OTOF: variants seen among roughly 807,000 people sequenced by gnomAD.
The protein encoded by OTOF is fer-1-like family member 2.
In OTOF, 218 loss-of-function variants were observed where a neutral mutation model predicts 236.8. The observed-to-expected ratio is 0.92, with a 90% CI of 0.82 to 1.03. The LOEUF is 1.03. Among genes scored for constraint, OTOF ranks in the 50% least tolerant of loss-of-function variants. The pLI is 0.00. For missense variants in OTOF, 2,590 were observed against 2,694.4 expected (o/e 0.96, Z 0.86); for synonymous variants, 1,041 against 1,072.5 (o/e 0.97, Z 0.57).
chr2:26,524,473 C>T (rs1171336672), intron 3 of OTOF, among the ~76,000 whole-genome samples: 1 of 152,232 alleles, frequency 6.6e-6, no homozygotes, highest in African/African-American at 2.4e-5. Flanking sequence ...TAGGCCACTG[C>T]ACTCCAGCCT....
intron 3 of OTOF, among the ~76,000 whole-genome samples, chr2:26,527,471 C>T (rs1411821575): frequency 6.6e-6 from 1 of 152,202 alleles, no homozygotes; most frequent in African/African-American, 2.4e-5. Flanking sequence ...GATCATCAGC[C>T]CCTCCACCTT....
chr2:26,502,202 A>C (rs1253827885), intron 7 of OTOF, 98 bp downstream of exon 7: 1 of 1,322,372 alleles, frequency 7.6e-7, no homozygotes, highest in East Asian at 2.3e-5. Flanking sequence ...GCCGTCCATG[A>C]GCCCTGATTC....
chr2:26,551,484 G>T (rs183664749), intron 1 of OTOF, among the ~76,000 whole-genome samples: 132 of 152,208 alleles, frequency 8.7e-4, no homozygotes, highest in African/African-American at 3.0e-3. Context: ...TCTGGCTCAC[G>T]CACTGGGGTG....
At chr2:26,495,224 C>A in intron 8 of OTOF, 151 bp from the exon 9 acceptor site, 1 of 699,972 alleles carries the variant, frequency 1.4e-6, no homozygotes, top group Non-Finnish European at 2.4e-6. Flanking sequence ...CACTGCCTCT[C>A]ATCTGCTGGG....
intron 5 of OTOF, chr2:26,510,833 A>G: frequency 2.4e-6 from 2 of 831,232 alleles, no homozygotes; most frequent in Non-Finnish European, 3.4e-6. Flanking sequence ...CCCCGGCCCC[A>G]CGGGCCTGCA....
chr2:26,472,391 C>T, intron 30 of OTOF, 128 bp downstream of exon 30: 1 of 1,209,162 alleles, frequency 8.3e-7, no homozygotes, highest in Non-Finnish European at 1.2e-6. Flanking sequence ...AGCTCAGCCC[C>T]CGACAGTCAC....
chr2:26,542,877 T>C (rs1405964111), intron 1 of OTOF, among the ~76,000 whole-genome samples: 5 of 152,176 alleles, frequency 3.3e-5, no homozygotes, highest in African/African-American at 1.2e-4. Context: ...GTCGTGATTT[T>C]GCCAGGGCCC....
At chr2:26,514,170 A>G (rs62127715) in intron 5 of OTOF, among the ~76,000 whole-genome samples, 31,073 of 152,298 alleles carry the variant, frequency 0.2, 3,953 homozygotes, top group East Asian at 0.54. Flanking sequence ...CCTGTCCCCA[A>G]TGTGCTCTCA....
chr2:26,533,328 A>G (rs540498871), intron 2 of OTOF, among the ~76,000 whole-genome samples: 6 of 152,238 alleles, frequency 3.9e-5, no homozygotes, highest in African/African-American at 1.4e-4. Flanking sequence ...TTTAGAGTAC[A>G]ATGGAAAGAG....
chr2:26,530,020 C>T (rs1485442851), intron 2 of OTOF, among the ~76,000 whole-genome samples: 1 of 134,234 alleles, frequency 7.4e-6, no homozygotes, highest in Non-Finnish European at 1.7e-5. Flanking sequence ...GGAAATAAAG[C>T]AGCCCAGGAA....
Position 26,465,020 on chromosome 2 carries a change from G to A in OTOF, c.4809C>T (p.Tyr1603=), listed in dbSNP as rs143939430. Residue 1603 remains tyrosine, a synonymous_variant, in exon 39 of 47, where the codon TAC becomes TAT. Transcript: ENST00000272371. ...GIAQTYSTHG[Y]NIWRDPMKPS... ...GCTTCATGGGGTCCCGCCAGATATT[G>A]TAGCCATGTCTGTGGGAGGGGACAC... 8 of 1,479,906 alleles carry A rather than the reference G, an allele frequency of 5.4e-6. No individual in the cohort carries two copies. The highest frequency in any genetic ancestry group is 2.9e-5 in the African/African-American group (2 of 69,780). 91.7% of individuals were successfully genotyped at this position (1,479,906 alleles called of 1,614,324 possible).
At chr2:26,537,631 A>T in intron 2 of OTOF, 85 bp downstream of exon 2, 1 of 1,014,940 alleles carries the variant, frequency 9.9e-7, no homozygotes, top group Non-Finnish European at 1.5e-6. Context: ...ATTTGGGGCC[A>T]GTGTGTGCCC....
In OTOF at chr2:26,477,230, C is replaced by T. The variant is rs373681505; in HGVS notation, c.2465G>A (p.Arg822Gln). 80 of 1,610,058 alleles carry T rather than the reference C, an allele frequency of 5.0e-5. No homozygotes were observed. The highest frequency in any genetic ancestry group is 5.0e-4 in the Middle Eastern group (3 of 6,054). The stretch of plus-strand genomic sequence containing the variant: ...GTTCTGGCACAGCCTCAGCTTGTCC[C>T]GCACCGTGTGCCGCTTCACCTGGGC... Reference protein sequence around the residue: ...LRAQVKRHTVRDKLRLCQNFL... With the variant: ...LRAQVKRHTVQDKLRLCQNFL... The change falls in exon 21 of 47, where the codon CGG becomes CAG. Residue 822 changes from arginine (R) to glutamine (Q), a missense_variant. Around this residue, in one of 2 missense-constraint regions of OTOF, gnomAD observed 1,379 missense variants for 1,341.6 expected, o/e 1.03. Coordinates refer to ENST00000272371, the MANE Select transcript of OTOF (RefSeq NM_194248.3). This position sits in a 1 kb window ranked among gnomAD's most constrained non-coding sequence, Gnocchi z 4.7.
At chr2:26,537,186 G>A (rs1167330185) in intron 2 of OTOF, among the ~76,000 whole-genome samples, 3 of 152,192 alleles carry the variant, frequency 2.0e-5, no homozygotes, top group Admixed American at 6.5e-5. Context: ...ACTGTCTTCT[G>A]TTCCCTATGC....
chr2:26,556,921 G>C (rs1193481124), intron 1 of OTOF, among the ~76,000 whole-genome samples: 1 of 152,222 alleles, frequency 6.6e-6, no homozygotes, highest in African/African-American at 2.4e-5. Context: ...GGACACATTT[G>C]CTTTTTCTAA....
At position 26,477,056 on chromosome 2, in the gene OTOF, G is replaced by A; in HGVS notation, c.2524-13C>T. Reference sequence around the variant, plus strand: ...TGCTGTGCTGGGGCTGGGGGTTGGGGGGTGGCCAGGGGCAGTGGGTAAGGG... The same window carrying A: ...TGCTGTGCTGGGGCTGGGGGTTGGGAGGTGGCCAGGGGCAGTGGGTAAGGG... On this transcript the variant is annotated splice_polypyrimidine_tract_variant and intron_variant, in intron 21 of 46. Coordinates refer to ENST00000272371, the MANE Select transcript of OTOF (RefSeq NM_194248.3). This position sits in a 1 kb window ranked among gnomAD's most constrained non-coding sequence, Gnocchi z 4.7. 6.6e-7 allele frequency: 1 copy of A among 1,524,330 alleles called. No homozygotes were observed. Among genetic ancestry groups the A allele is most frequent in the Non-Finnish European group, 8.9e-7 (1 of 1,120,582 alleles). The allele number at this position is 1,524,330 out of a possible 1,614,324, so 94.4% of individuals were successfully genotyped here.
At position 26,503,770 on chromosome 2, in the gene OTOF, A is replaced by G. The variant is rs1301126848; in HGVS notation, c.583+2T>C. On this transcript the variant is annotated splice_donor_variant, in intron 6 of 46. Coordinates refer to ENST00000272371, the MANE Select transcript of OTOF (RefSeq NM_194248.3). LOFTEE classifies it high-confidence loss of function. ...GCGGGGCTCACGCGGCACCTGTCCT[A>G]CCTGGTCTTTGGGGCTCCTCCTTGT... The G allele has an allele frequency of 5.6e-6, 9 of 1,613,128 alleles. No homozygotes were observed. Among genetic ancestry groups the G allele is most frequent in the Non-Finnish European group, 5.9e-6 (7 of 1,179,254 alleles).
At chr2:26,503,675 C>T in intron 6 of OTOF, 97 bp downstream of exon 6, 1 of 1,071,392 alleles carries the variant, frequency 9.3e-7, no homozygotes, top group Non-Finnish European at 1.4e-6. Context: ...GACGACCTAT[C>T]CCAGGAGGGC....
chr2:26,460,983 C>T lies in OTOF; in HGVS notation c.5581G>A (p.Ala1861Thr). 1 of 1,600,224 alleles carries T rather than the reference C, an allele frequency of 6.2e-7. No individual in the cohort carries two copies. The highest frequency in any genetic ancestry group is 8.5e-7 in the Non-Finnish European group (1 of 1,171,414). ...GCCATCTCCATGGTGCACTGCTTGG[C>T]TGTCTTTGCGCCCCGCGGGAACCGG... ...LNRFPRGAKTAKQCTMEMATG... is the reference protein window; with the variant it reads ...LNRFPRGAKTTKQCTMEMATG... Residue 1861 changes from alanine to threonine, a missense_variant, in exon 44 of 47, where the codon GCC (alanine) becomes ACC (threonine). Physicochemically the swap from Ala to Thr is moderately conservative, Grantham distance 58. Transcript: ENST00000272371. This position sits in a 1 kb window ranked among gnomAD's most constrained non-coding sequence, Gnocchi z 5.3.
Sources: gnomAD v4.1 joint callset for allele counts (sites outside exome capture counted in the v4.1 genomes callset) on GRCh38, gnomAD v4.1.1 for gene constraint, gnomAD v4.1.1 regional missense constraint, Gnocchi (gnomAD v3.1) non-coding constraint, MANE v1.5 for transcripts, NCBI Gene and HGNC (gene_info 2026-07-23, HGNC 2026-07-21) for gene names.